Variants in ANTXR1 observed in about 807,000 individuals in gnomAD.
The protein encoded by ANTXR1 is ANTXR cell adhesion molecule 1.
In ANTXR1, 19 loss-of-function variants were observed where a neutral mutation model predicts 78.1. The ratio of observed to expected loss-of-function variants is 0.24; its 90% CI spans 0.17 to 0.36. The LOEUF (loss-of-function observed/expected upper bound fraction) is 0.36, where lower values mean the gene tolerates loss of function less well. Ranked by LOEUF, ANTXR1 falls within the 10% of genes least tolerant of loss-of-function variation. The pLI, the probability that ANTXR1 is intolerant of heterozygous loss-of-function variation, is 1.00. For missense variants in ANTXR1, 518 were observed against 718.6 expected (o/e 0.72, Z 3.19); for synonymous variants, 273 against 260.5 (o/e 1.05, Z -0.46).
chr2:69,067,170 T>C (rs1294911601), intron 3 of ANTXR1, among the ~76,000 whole-genome samples: 2 of 152,104 alleles, frequency 1.3e-5, no homozygotes, highest in Non-Finnish European at 2.9e-5. Flanking sequence ...CATGTGTTAT[T>C]TGATCTTTTG....
At chr2:69,128,523 A>T (rs926507884) in intron 12 of ANTXR1, among the ~76,000 whole-genome samples, 1 of 152,164 alleles carries the variant, frequency 6.6e-6, no homozygotes, top group Non-Finnish European at 1.5e-5. Context: ...CCGGGGGTAC[A>T]TGTTTATCAC....
chr2:69,246,556 A>C lies in ANTXR1; in HGVS notation c.*1071A>C, dbSNP rs1343635827. On this transcript the variant is annotated 3_prime_UTR_variant, in exon 18 of 18. Transcript: ENST00000303714. Reference sequence around the variant, plus strand: ...AGCTGAGAGACAATGGTCCTGACATAATAAGGATCTTTGATTAACCCCCAT... The same window carrying C: ...AGCTGAGAGACAATGGTCCTGACATCATAAGGATCTTTGATTAACCCCCAT... The C allele has an allele frequency of 6.6e-6, 1 of 152,130 alleles. No individual in the cohort carries two copies. The highest frequency in any genetic ancestry group is 1.5e-5 in the Non-Finnish European group (1 of 68,020). 9.4% of individuals were successfully genotyped at this position (152,130 alleles called of 1,614,324 possible).
chr2:69,121,081 C>T (rs1053279932), intron 10 of ANTXR1, among the ~76,000 whole-genome samples: 4 of 152,208 alleles, frequency 2.6e-5, no homozygotes, highest in African/African-American at 4.8e-5. Flanking sequence ...AATAGCCTTT[C>T]CTTGGGGAAG....
intron 13 of ANTXR1, among the ~76,000 whole-genome samples, chr2:69,165,604 G>C (rs1226781219): frequency 6.6e-6 from 1 of 152,240 alleles, no homozygotes; most frequent in African/African-American, 2.4e-5. Context: ...GGGACCACAA[G>C]GAATCACTAG....
chr2:69,109,510 A>C (rs1056211690), intron 10 of ANTXR1, among the ~76,000 whole-genome samples: 2 of 152,276 alleles, frequency 1.3e-5, no homozygotes, highest in Admixed American at 6.5e-5. Context: ...CAGTAGGCGA[A>C]CTGAGCTTTG....
chr2:69,125,263 C>T (rs1672495504), intron 12 of ANTXR1, among the ~76,000 whole-genome samples: 1 of 152,190 alleles, frequency 6.6e-6, no homozygotes, highest in African/African-American at 2.4e-5. Context: ...CTCAGATAGC[C>T]CTTCTCTGGA....
At chr2:69,048,002 G>A in intron 3 of ANTXR1, among the ~76,000 whole-genome samples, 1 of 152,112 alleles carries the variant, frequency 6.6e-6, no homozygotes, top group East Asian at 1.9e-4. Flanking sequence ...TTGATAGATT[G>A]TAACAAAGTT....
At chr2:69,095,156 C>A (rs1326303684) in intron 9 of ANTXR1, among the ~76,000 whole-genome samples, 1 of 152,146 alleles carries the variant, frequency 6.6e-6, no homozygotes, top group Non-Finnish European at 1.5e-5. Flanking sequence ...ATAATTAATT[C>A]ATGGATTCAT....
rs1251025176 is a variant in ANTXR1, at chr2:69,170,138, A to T, written c.1048-110A>T. 3 of 1,209,476 alleles carry T rather than the reference A, an allele frequency of 2.5e-6. No homozygotes were observed. The East Asian group carries it at 7.2e-5, about 29-fold the overall frequency. The allele number at this position is 1,209,476 out of a possible 1,614,324, so 74.9% of individuals were successfully genotyped here. ...TGATTAAGCCCGACTTGCTGGGGCC[A>T]TTGCCATGGTAATTATGGCAGCACC... is the stretch of plus-strand genomic sequence containing the variant. On this transcript the variant is annotated intron_variant, in intron 13 of 17. Transcript: ENST00000303714.
At chr2:69,046,470 G>A (rs1468364678) in intron 3 of ANTXR1, among the ~76,000 whole-genome samples, 3 of 152,204 alleles carry the variant, frequency 2.0e-5, no homozygotes, top group Non-Finnish European at 4.4e-5. Flanking sequence ...GTTCTGAAGA[G>A]AAAACAGAGG....
intron 17 of ANTXR1, among the ~76,000 whole-genome samples, chr2:69,219,384 GACACACACACACAC>G (rs377200577): frequency 2.3e-4 from 31 of 132,314 alleles, no homozygotes; most frequent in Admixed American, 4.0e-4. Flanking sequence ...CCAGAAGGAG[GACACACACACACAC>G]ACACACACAC....
intron 17 of ANTXR1, among the ~76,000 whole-genome samples, chr2:69,216,006 T>C (rs1675164727): frequency 1.3e-5 from 2 of 152,094 alleles, no homozygotes; most frequent in Admixed American, 1.3e-4. Flanking sequence ...TGAAGAGTGC[T>C]AGGAGGCACT....
chr2:69,150,165 G>T (rs1673351642), intron 12 of ANTXR1, among the ~76,000 whole-genome samples: 2 of 152,204 alleles, frequency 1.3e-5, no homozygotes, highest in South Asian at 4.1e-4. Flanking sequence ...ACAGCTTCCA[G>T]CAGCCCCTGC....
At chr2:69,047,375 T>TTATA (rs10631682) in intron 3 of ANTXR1, among the ~76,000 whole-genome samples, 79,178 of 151,750 alleles carry the variant, frequency 0.52, 25,237 homozygotes, top group East Asian at 0.94. Flanking sequence ...TGCAAGCACT[T>TTATA]TATCCTTTTT....
chr2:69,194,379 T>G (rs945314907), intron 17 of ANTXR1, among the ~76,000 whole-genome samples: 1 of 152,224 alleles, frequency 6.6e-6, no homozygotes, highest in Non-Finnish European at 1.5e-5. Flanking sequence ...TAGAACTCCT[T>G]TCAAATCAAG....
chr2:69,221,018 T>C (rs1478375486), intron 17 of ANTXR1, among the ~76,000 whole-genome samples: 1 of 152,238 alleles, frequency 6.6e-6, no homozygotes, highest in Non-Finnish European at 1.5e-5. Context: ...ATGGATGGAA[T>C]GCCACAGAAA....
At chr2:69,037,916 TC>T (rs1669493091) in intron 1 of ANTXR1, among the ~76,000 whole-genome samples, 1 of 151,982 alleles carries the variant, frequency 6.6e-6, no homozygotes, top group South Asian at 2.1e-4. Flanking sequence ...CCAGATCCCT[TC>T]CCCATCTCCC....
intron 11 of ANTXR1, among the ~76,000 whole-genome samples, chr2:69,124,097 A>C (rs2104378966): frequency 6.6e-6 from 1 of 152,332 alleles, no homozygotes; most frequent in South Asian, 2.1e-4. Context: ...CTTCTGCTTT[A>C]CTTCTGTGAG....
intron 17 of ANTXR1, among the ~76,000 whole-genome samples, chr2:69,206,207 C>T (rs1674897488): frequency 6.6e-6 from 1 of 152,212 alleles, no homozygotes; most frequent in African/African-American, 2.4e-5. Context: ...AGCTGACACC[C>T]AGGCATTGAC....
Sources: allele counts gnomAD v4.1 joint callset (sites outside exome capture counted in the v4.1 genomes callset), GRCh38; gene constraint gnomAD v4.1.1; transcripts MANE v1.5; gene names NCBI Gene and HGNC (gene_info 2026-07-23, HGNC 2026-07-21).